The following AFAP1 variants were observed in gnomAD, a reference collection of about 807,000 sequenced individuals.
AFAP1 encodes actin filament-associated protein 1.
A neutral mutation model predicts 93.9 loss-of-function variants in AFAP1; 75 were observed. The observed-to-expected ratio is 0.80, with a 90% CI of 0.66 to 0.97. AFAP1 has a LOEUF of 0.97. AFAP1 is among the 50% of genes least tolerant of loss of function. The pLI, the probability that AFAP1 is intolerant of heterozygous loss-of-function variation, is 0.00. For missense variants in AFAP1, 1,201 were observed against 1,050.8 expected (o/e 1.14, Z -1.98); for synonymous variants, 517 against 430.7 (o/e 1.20, Z -2.48).
chr4:7,938,116 C>G (rs1288725232), intron 1 of AFAP1, among the ~76,000 whole-genome samples: 2 of 152,180 alleles, frequency 1.3e-5, no homozygotes, highest in Non-Finnish European at 2.9e-5. Flanking sequence ...GCCACCTCAA[C>G]AGAGTCCATA....
At chr4:7,843,933 T>C (rs1254138893) in intron 4 of AFAP1, 1 of 155,230 alleles carries the variant, frequency 6.4e-6, no homozygotes, top group Middle Eastern at 3.1e-3. Flanking sequence ...CACTGGCATG[T>C]ATACTGCTGT....
intron 1 of AFAP1, among the ~76,000 whole-genome samples, chr4:7,914,453 C>T (rs756011350): frequency 9.7e-4 from 147 of 152,270 alleles, no homozygotes; most frequent in Non-Finnish European, 1.5e-3. Context: ...GTTCCACCCA[C>T]GTTGCTGAGA....
chr4:7,772,727 G>T, intron 16 of AFAP1, 93 bp downstream of exon 16: 2 of 1,233,028 alleles, frequency 1.6e-6, no homozygotes, highest in Non-Finnish European at 2.2e-6. Flanking sequence ...AGCAAGCTAC[G>T]CCCCAGAGCC....
chr4:7,877,110 T>G (rs1404701555), intron 1 of AFAP1, among the ~76,000 whole-genome samples: 2 of 152,202 alleles, frequency 1.3e-5, no homozygotes, highest in African/African-American at 4.8e-5. Context: ...ACTTGGGTTT[T>G]TGTGGGGTTT....
chr4:7,847,465 C>T (rs1438836349), intron 4 of AFAP1, among the ~76,000 whole-genome samples: 13 of 151,774 alleles, frequency 8.6e-5, no homozygotes, highest in Admixed American at 3.9e-4. Flanking sequence ...GAGAACTCTC[C>T]GGAAAGTATG....
At chr4:7,854,172 T>C (rs886885612) in intron 4 of AFAP1, among the ~76,000 whole-genome samples, 2 of 152,256 alleles carry the variant, frequency 1.3e-5, no homozygotes, top group Non-Finnish European at 2.9e-5. Flanking sequence ...CGTTCTGAGT[T>C]ATATCGAGGC....
chr4:7,887,035 T>C (rs899139580), intron 1 of AFAP1, among the ~76,000 whole-genome samples: 6 of 152,120 alleles, frequency 3.9e-5, no homozygotes, highest in Admixed American at 3.9e-4. Context: ...ACCCTTATTC[T>C]AGGAAAGGAA....
At chr4:7,764,962 T>G (rs1307852312) in intron 17 of AFAP1, among the ~76,000 whole-genome samples, 2 of 152,086 alleles carry the variant, frequency 1.3e-5, no homozygotes, top group South Asian at 4.1e-4. Context: ...AAAAATTAGC[T>G]GGGTGTGGTG....
At chr4:7,765,576 T>C (rs1714436894) in intron 17 of AFAP1, among the ~76,000 whole-genome samples, 1 of 152,228 alleles carries the variant, frequency 6.6e-6, no homozygotes, top group Admixed American at 6.5e-5. Context: ...GGGCTACTCA[T>C]GGTCTCTGGA....
intron 9 of AFAP1, among the ~76,000 whole-genome samples, chr4:7,802,484 T>C (rs1030623119): frequency 7.2e-5 from 11 of 152,194 alleles, no homozygotes; most frequent in Admixed American, 6.5e-5. Context: ...AAGTATCTTG[T>C]CCAAGACCAC....
intron 1 of AFAP1, among the ~76,000 whole-genome samples, chr4:7,907,764 C>A (rs903531183): frequency 1.3e-5 from 2 of 152,172 alleles, no homozygotes; most frequent in Admixed American, 1.3e-4. Context: ...TGAAACACTT[C>A]TGGTTCCAAG....
chr4:7,912,033 C>T (rs1185125225), intron 1 of AFAP1, among the ~76,000 whole-genome samples: 2 of 152,102 alleles, frequency 1.3e-5, no homozygotes, highest in East Asian at 3.8e-4. Flanking sequence ...AGAGAAAATG[C>T]ATTTGAAAGA....
intron 4 of AFAP1, among the ~76,000 whole-genome samples, chr4:7,849,343 T>C (rs889923384): frequency 3.3e-5 from 5 of 151,984 alleles, no homozygotes; most frequent in Admixed American, 6.6e-5. Flanking sequence ...AGCACAATAT[T>C]AGATGTTTCA....
intron 6 of AFAP1, among the ~76,000 whole-genome samples, chr4:7,828,124 T>C (rs905219339): frequency 7.2e-5 from 11 of 152,270 alleles, no homozygotes; most frequent in South Asian, 4.1e-4. Context: ...AGTAAACATA[T>C]TGTGGTTCTT....
chr4:7,933,791 T>C (rs1218531755), intron 1 of AFAP1, among the ~76,000 whole-genome samples: 1 of 152,136 alleles, frequency 6.6e-6, no homozygotes, highest in Non-Finnish European at 1.5e-5. Context: ...AGGAACTATA[T>C]TTGGCCAAAA....
At position 7,762,764 on chromosome 4, in the gene AFAP1, C is replaced by G. The variant is rs1332993146; in HGVS notation, c.*1001G>C. 1 of 152,244 alleles carries G rather than the reference C, an allele frequency of 6.6e-6. No individual in the cohort carries two copies. The highest frequency in any genetic ancestry group is 2.4e-5 in the African/African-American group (1 of 41,450). 9.4% of individuals were successfully genotyped at this position (152,244 alleles called of 1,614,324 possible). On this transcript the variant is annotated 3_prime_UTR_variant, in exon 18 of 18. Coordinates refer to ENST00000420658, the MANE Select transcript of AFAP1 (RefSeq NM_001134647.2). ...GAGGCCCTGGAATTCCTGCCTCTTGCTCTAAGGTGTTATAGTTCCATGAGC... is the reference window on the plus strand; with the variant it reads ...GAGGCCCTGGAATTCCTGCCTCTTGGTCTAAGGTGTTATAGTTCCATGAGC...
chr4:7,880,670 G>A (rs1212144097), intron 1 of AFAP1, among the ~76,000 whole-genome samples: 1 of 152,220 alleles, frequency 6.6e-6, no homozygotes, highest in Non-Finnish European at 1.5e-5. Context: ...TGAGAGCCGG[G>A]AACGGGGTGA....
chr4:7,781,258 A>G, intron 13 of AFAP1, 118 bp downstream of exon 13: 9 of 1,335,010 alleles, frequency 6.7e-6, no homozygotes, highest in Non-Finnish European at 9.1e-6. Context: ...TAGTTGAGAA[A>G]AAAAAAACAC....
intron 1 of AFAP1, among the ~76,000 whole-genome samples, chr4:7,874,753 G>C (rs1717388900): frequency 6.6e-6 from 1 of 151,544 alleles, no homozygotes; most frequent in Non-Finnish European, 1.5e-5. Context: ...ATGAGAATCA[G>C]CTATCTTCTA....
Sources: gnomAD v4.1 joint callset for allele counts (sites outside exome capture counted in the v4.1 genomes callset) on GRCh38, gnomAD v4.1.1 for gene constraint, MANE v1.5 for transcripts, NCBI Gene and HGNC (gene_info 2026-07-23, HGNC 2026-07-21) for gene names.